ZNF704: variants seen among roughly 807,000 people sequenced by gnomAD.
ZNF704 encodes glucocorticoid induced gene 1.
ZNF704 carries 10 observed loss-of-function variants against 44.7 expected under a neutral mutation model. The ratio of observed to expected loss-of-function variants is 0.22; its 90% confidence interval spans 0.14 to 0.38. The LOEUF is 0.38. ZNF704 is among the 10% of genes least tolerant of loss of function. ZNF704 has a pLI of 1.00. For synonymous variants in ZNF704, 211 were observed against 207.6 expected, an observed-to-expected ratio of 1.02 and a Z score of -0.14; for missense variants, 390 against 545.5, an observed-to-expected ratio of 0.71 and a Z score of 2.84.
In ZNF704 at chr8:80,653,669, C is replaced by T. The variant is rs971461334; in HGVS notation, c.1032+5916G>A. Among the ~76,000 whole-genome samples, 2 of 152,038 alleles carry T rather than the reference C, an allele frequency of 1.3e-5. 1 individual carries two copies. The highest frequency in any genetic ancestry group is 4.8e-5 in the African/African-American group (2 of 41,372). ...GACCTCTTCAAGGAGAACTACAAAC[C>T]ACTGCTCAATGAAATAAAAGAGGAT... On this transcript the variant is annotated intron_variant, in intron 7 of 8. Transcript: ENST00000327835.
At chr8:80,698,981 A>G (rs74984302) in intron 2 of ZNF704, among the ~76,000 whole-genome samples, 3,854 of 152,312 alleles carry the variant, frequency 0.025, 94 homozygotes, top group South Asian at 0.14. Context: ...GAGAGCCATA[A>G]AAGACATTTA....
At chr8:80,795,893 A>G (rs961592800) in intron 2 of ZNF704, among the ~76,000 whole-genome samples, 1 of 152,184 alleles carries the variant, frequency 6.6e-6, no homozygotes, top group African/African-American at 2.4e-5. Context: ...TGGAACTAAA[A>G]TTAGCCCTTA....
At chr8:80,812,620 T>G (rs1219967606) in intron 2 of ZNF704, 2 of 152,406 alleles carry the variant, frequency 1.3e-5, no homozygotes, top group Non-Finnish European at 2.9e-5. Context: ...TGCTCCTGTT[T>G]AGTTATTTTT....
In ZNF704 at chr8:80,637,093, T is replaced by C. The variant is rs1817675812; in HGVS notation, c.*4273A>G. 1 of 112,582 alleles carries C rather than the reference T, an allele frequency of 8.9e-6. No individual in the cohort carries two copies. Among genetic ancestry groups the C allele is most frequent in the Admixed American group, 1.3e-4 (1 of 7,496 alleles). 7.0% of individuals were successfully genotyped at this position (112,582 alleles called of 1,614,324 possible). ...CCAGGCATTGCACCTGTGGTTCAAATGTTAGCCTTAGGCTACAGGTCAGCT... is the reference window on the plus strand; with the variant it reads ...CCAGGCATTGCACCTGTGGTTCAAACGTTAGCCTTAGGCTACAGGTCAGCT... On this transcript the variant is annotated 3_prime_UTR_variant, in exon 9 of 9. Coordinates refer to ENST00000327835, the MANE Select transcript of ZNF704 (RefSeq NM_001033723.3).
intron 2 of ZNF704, among the ~76,000 whole-genome samples, chr8:80,728,601 T>C (rs562138135): frequency 6.6e-6 from 1 of 152,312 alleles, no homozygotes; most frequent in African/African-American, 2.4e-5. Flanking sequence ...GTATTTATTA[T>C]TATTATCCCT....
At chr8:80,729,838 G>T (rs1298938444) in intron 2 of ZNF704, among the ~76,000 whole-genome samples, 1 of 152,136 alleles carries the variant, frequency 6.6e-6, no homozygotes, top group Non-Finnish European at 1.5e-5. Context: ...GGCTGAATAG[G>T]TATAACGAAA....
At chr8:80,862,764 C>CAAAA (rs71266094) in intron 1 of ZNF704, among the ~76,000 whole-genome samples, 4 of 13,082 alleles carry the variant, frequency 3.1e-4, no homozygotes, top group African/African-American at 7.7e-4. Flanking sequence ...GACTCCGTCT[C>CAAAA]AAAAAAAAAA....
chr8:80,815,868 G>C (rs1808168954), intron 2 of ZNF704, among the ~76,000 whole-genome samples: 1 of 152,160 alleles, frequency 6.6e-6, no homozygotes, highest in African/African-American at 2.4e-5. Flanking sequence ...TCTCACTTTA[G>C]AAGCCAAAAA....
chr8:80,645,747 C>A (rs774293719), intron 7 of ZNF704, among the ~76,000 whole-genome samples: 1 of 152,158 alleles, frequency 6.6e-6, no homozygotes, highest in Non-Finnish European at 1.5e-5. Flanking sequence ...GCCAATTAAA[C>A]CTCTTTTCTT....
intron 2 of ZNF704, among the ~76,000 whole-genome samples, chr8:80,715,753 C>T (rs1050175408): frequency 2.0e-5 from 3 of 152,096 alleles, no homozygotes; most frequent in Non-Finnish European, 2.9e-5. Context: ...TGAAAACTCT[C>T]CAGGAGACTC....
chr8:80,776,228 C>T (rs189355114), intron 2 of ZNF704, among the ~76,000 whole-genome samples: 3 of 152,280 alleles, frequency 2.0e-5, no homozygotes. Flanking sequence ...GCAAGAGACC[C>T]TGAAGTAGAA....
At position 80,646,376 on chromosome 8, in the gene ZNF704, G is replaced by A. The variant is rs148893159; in HGVS notation, c.1033-3247C>T. On this transcript the variant is annotated intron_variant, in intron 7 of 8. Coordinates refer to ENST00000327835, the MANE Select transcript of ZNF704 (RefSeq NM_001033723.3). Reference sequence around the variant, plus strand: ...CACCTAAAGTCCCAGCTACTCAGCTGAGGTGGGAGGATCACCTGAGTGTGG... The same window carrying A: ...CACCTAAAGTCCCAGCTACTCAGCTAAGGTGGGAGGATCACCTGAGTGTGG... Among the ~76,000 whole-genome samples the A allele has an allele frequency of 1.8e-3, 270 of 152,044 alleles. 1 individual carries two copies. Among genetic ancestry groups the A allele is most frequent in the African/African-American group, 6.3e-3 (261 of 41,474 alleles).
At chr8:80,880,352 A>G in the ZNF704 span, among the ~76,000 whole-genome samples, 9 of 152,320 alleles carry the variant, frequency 5.9e-5, no homozygotes, top group East Asian at 1.5e-3. Context: ...AAGAATGATT[A>G]CTGTATTGAG....
chr8:80,690,710 T>C (rs1818617181), intron 3 of ZNF704, among the ~76,000 whole-genome samples: 1 of 152,170 alleles, frequency 6.6e-6, no homozygotes. Context: ...TCTACTGCTA[T>C]ATAAAGAGGA....
At chr8:80,779,528 T>A (rs1807474797) in intron 2 of ZNF704, among the ~76,000 whole-genome samples, 1 of 152,086 alleles carries the variant, frequency 6.6e-6, no homozygotes, top group Non-Finnish European at 1.5e-5. Context: ...AATAAAATTT[T>A]AAAATATTCC....
chr8:80,729,370 A>G (rs140669720), intron 2 of ZNF704, among the ~76,000 whole-genome samples: 132 of 152,266 alleles, frequency 8.7e-4, no homozygotes, highest in Non-Finnish European at 1.6e-3. Context: ...TCTTAGCTAT[A>G]AATGGGGTGA....
chr8:80,687,430 G>A lies in ZNF704; in HGVS notation c.354C>T (p.Gly118=), dbSNP rs756738318. ...NESLSGSWKE[G]GCVPSSTSSS... Reference sequence around the variant, plus strand: ...TGCTGGTGCTGGAAGGCACGCAGCCGCCCTCCTTCCAGGATCCGCTGAGGC... The same window carrying A: ...TGCTGGTGCTGGAAGGCACGCAGCCACCCTCCTTCCAGGATCCGCTGAGGC... Residue 118 remains glycine, a synonymous_variant, in exon 4 of 9, where the codon GGC becomes GGT. Coordinates refer to ENST00000327835, the MANE Select transcript of ZNF704 (RefSeq NM_001033723.3). 1.6e-5 allele frequency: 25 copies of A among 1,585,946 alleles called. No individual in the cohort carries two copies. Among genetic ancestry groups the A allele is most frequent in the Admixed American group, 1.0e-4 (6 of 57,418 alleles).
chr8:80,849,383 C>T (rs1484511157), intron 1 of ZNF704, among the ~76,000 whole-genome samples: 1 of 152,124 alleles, frequency 6.6e-6, no homozygotes, highest in Non-Finnish European at 1.5e-5. Flanking sequence ...GTTACCTTTC[C>T]CCACCCTCCT....
At chr8:80,696,387 G>A (rs1818724893) in intron 2 of ZNF704, among the ~76,000 whole-genome samples, 1 of 152,190 alleles carries the variant, frequency 6.6e-6, no homozygotes, top group Non-Finnish European at 1.5e-5. Flanking sequence ...TATCCAGAAT[G>A]TTTGAGACCA....
Sources: allele counts gnomAD v4.1 joint callset (sites outside exome capture counted in the v4.1 genomes callset), GRCh38; gene constraint gnomAD v4.1.1; transcripts MANE v1.5; gene names NCBI Gene and HGNC (gene_info 2026-07-23, HGNC 2026-07-21).